The following TMEM131 variants were observed in gnomAD, a reference collection of about 807,000 sequenced individuals.
TMEM131 encodes transmembrane protein 131.
TMEM131 carries 66 observed loss-of-function variants against 211.6 expected under a neutral mutation model. The observed-to-expected ratio is 0.31, with a 90% CI of 0.26 to 0.38. The LOEUF is 0.38. TMEM131 is among the 10% of genes least tolerant of loss of function. The probability of loss-of-function intolerance (pLI) is 1.00; values close to 1 mark genes in which losing one functional copy is unlikely to be tolerated. For synonymous variants in TMEM131, 844 were observed against 841.3 expected, an observed-to-expected ratio of 1.00 and a Z score of -0.06; for missense variants, 2,036 against 2,299.3, an observed-to-expected ratio of 0.89 and a Z score of 2.34.
intron 2 of TMEM131, among the ~76,000 whole-genome samples, chr2:97,923,038 C>T (rs1676811850): frequency 6.6e-6 from 1 of 152,124 alleles, no homozygotes; most frequent in African/African-American, 2.4e-5. Context: ...CCTGTAATCC[C>T]AGCATTTTGG....
chr2:97,863,347 TTGAG>T (rs1396390709), intron 4 of TMEM131, among the ~76,000 whole-genome samples: 1 of 152,166 alleles, frequency 6.6e-6, no homozygotes, highest in Non-Finnish European at 1.5e-5. Context: ...CACAGATTTC[TTGAG>T]TAATACTCCG....
At chr2:97,789,148 T>C (rs1000528185) in intron 31 of TMEM131, among the ~76,000 whole-genome samples, 3 of 152,212 alleles carry the variant, frequency 2.0e-5, no homozygotes, top group African/African-American at 4.8e-5. Context: ...TCACAAATAA[T>C]GTCCTCAAGT....
chr2:97,909,250 C>G (rs1285625874), intron 2 of TMEM131, among the ~76,000 whole-genome samples: 2 of 151,956 alleles, frequency 1.3e-5, no homozygotes, highest in Non-Finnish European at 2.9e-5. Context: ...AGCAGTGTGG[C>G]AGTGGGATGG....
chr2:97,788,857 T>C (rs1435010611), intron 31 of TMEM131, among the ~76,000 whole-genome samples: 1 of 152,244 alleles, frequency 6.6e-6, no homozygotes, highest in African/African-American at 2.4e-5. Flanking sequence ...CAGAGATATT[T>C]TCAAGCACCA....
chr2:97,806,279 G>A (rs1681293881), intron 19 of TMEM131, among the ~76,000 whole-genome samples: 1 of 152,340 alleles, frequency 6.6e-6, no homozygotes, highest in East Asian at 1.9e-4. Context: ...GCTCATGCCT[G>A]TAATCCCAGC....
At chr2:97,881,086 C>G (rs1674906193) in intron 4 of TMEM131, among the ~76,000 whole-genome samples, 1 of 152,192 alleles carries the variant, frequency 6.6e-6, no homozygotes, top group African/African-American at 2.4e-5. Context: ...TTCTTTCCAT[C>G]TTTCCACTCT....
intron 29 of TMEM131, among the ~76,000 whole-genome samples, chr2:97,794,335 C>T (rs1248651033): frequency 6.6e-6 from 1 of 152,144 alleles, no homozygotes; most frequent in South Asian, 2.1e-4. Flanking sequence ...CGTGCCCGGC[C>T]TGCTCATGAA....
intron 31 of TMEM131, among the ~76,000 whole-genome samples, chr2:97,790,892 G>C (rs541936729): frequency 2.0e-5 from 3 of 152,164 alleles, no homozygotes; most frequent in South Asian, 4.1e-4. Context: ...AATTCCAAGA[G>C]AACTCAATAG....
chr2:97,966,677 A>C, intron 1 of TMEM131, among the ~76,000 whole-genome samples: 1 of 152,214 alleles, frequency 6.6e-6, no homozygotes, highest in East Asian at 1.9e-4. Flanking sequence ...ACATAACATG[A>C]ATATGCAACA....
intron 1 of TMEM131, among the ~76,000 whole-genome samples, chr2:97,990,860 A>G (rs987836364): frequency 6.6e-5 from 10 of 152,226 alleles, no homozygotes; most frequent in African/African-American, 2.2e-4. Context: ...AATACAGCTT[A>G]AAACAAAAAT....
At chr2:97,769,195 C>T (rs1679344308) in intron 33 of TMEM131, among the ~76,000 whole-genome samples, 1 of 144,130 alleles carries the variant, frequency 6.9e-6, no homozygotes, top group South Asian at 2.2e-4. Flanking sequence ...CTATATTTTC[C>T]AGGCTGATCT....
chr2:97,879,623 G>T (rs1674840343), intron 4 of TMEM131, among the ~76,000 whole-genome samples: 1 of 152,174 alleles, frequency 6.6e-6, no homozygotes, highest in East Asian at 1.9e-4. Context: ...TCTGCCACCT[G>T]TGACAGCAAG....
rs1462137508 is a variant in TMEM131 at position 97,757,019 on chromosome 2, A to G, written c.*80T>C. 5 of 1,461,548 alleles carry G rather than the reference A, an allele frequency of 3.4e-6. No homozygotes were observed. The highest frequency in any genetic ancestry group is 4.5e-6 in the Non-Finnish European group (5 of 1,102,094). 90.5% of individuals were successfully genotyped at this position (1,461,548 alleles called of 1,614,324 possible). Reference sequence around the variant, plus strand: ...GGGTGGGGAGGGGAGCTGCAGTAAGAGCCTTAAAAAGATGTCTCAGAAACT... The same window carrying G: ...GGGTGGGGAGGGGAGCTGCAGTAAGGGCCTTAAAAAGATGTCTCAGAAACT... On this transcript the variant is annotated 3_prime_UTR_variant, in exon 41 of 41. Coordinates refer to ENST00000186436, the MANE Select transcript of TMEM131 (RefSeq NM_015348.2).
chr2:97,943,058 AAAGAAAGAAAG>A (rs1677860221), intron 1 of TMEM131, among the ~76,000 whole-genome samples: 8 of 80,020 alleles, frequency 1.0e-4, no homozygotes, highest in Admixed American at 5.4e-4. Context: ...AGAAAGAAAG[AAAGAAAGAAAG>A]AAAGAAAGAA....
At chr2:97,827,474 C>A (rs1305014568) in intron 11 of TMEM131, 9 of 1,011,794 alleles carry the variant, frequency 8.9e-6, no homozygotes, top group African/African-American at 1.6e-5. Context: ...GATTTACCTG[C>A]AGAAAATGGG....
At chr2:97,877,388 G>A (rs988250230) in intron 4 of TMEM131, among the ~76,000 whole-genome samples, 5 of 152,030 alleles carry the variant, frequency 3.3e-5, no homozygotes, top group Admixed American at 6.6e-5. Context: ...AAAAGAACCC[G>A]TATTGCCAAG....
chr2:97,919,097 T>G (rs1676631399), intron 2 of TMEM131, among the ~76,000 whole-genome samples: 1 of 152,198 alleles, frequency 6.6e-6, no homozygotes, highest in South Asian at 2.1e-4. Context: ...GTTCCAAAAC[T>G]GACAGACCCA....
intron 32 of TMEM131, among the ~76,000 whole-genome samples, chr2:97,774,215 C>T (rs1482248530): frequency 6.6e-6 from 1 of 152,232 alleles, no homozygotes; most frequent in African/African-American, 2.4e-5. Context: ...CATCAGGTAT[C>T]TTGTAAACCA....
chr2:97,801,979 C>T lies in TMEM131; in HGVS notation c.2652-18G>A, dbSNP rs1681057531. On this transcript the variant is annotated intron_variant, in intron 24 of 40. Coordinates refer to ENST00000186436, the MANE Select transcript of TMEM131 (RefSeq NM_015348.2). Reference sequence around the variant, plus strand: ...AGTTAAACCTAAAACAAAAAATGTACACATATTTATTCATAAGCAACATCA... The same window carrying T: ...AGTTAAACCTAAAACAAAAAATGTATACATATTTATTCATAAGCAACATCA... 1 of 1,563,036 alleles carries T rather than the reference C, an allele frequency of 6.4e-7. No homozygotes were observed. Among genetic ancestry groups the T allele is most frequent in the Non-Finnish European group, 8.8e-7 (1 of 1,138,406 alleles).
Sources: gnomAD v4.1 joint callset for allele counts (sites outside exome capture counted in the v4.1 genomes callset) on GRCh38, gnomAD v4.1.1 for gene constraint, MANE v1.5 for transcripts, NCBI Gene and HGNC (gene_info 2026-07-23, HGNC 2026-07-21) for gene names.